The following CDC42BPA variants were observed in gnomAD, a reference collection of about 807,000 sequenced individuals.
CDC42BPA encodes serine/threonine-protein kinase MRCK alpha.
A neutral mutation model predicts 223.5 loss-of-function variants in CDC42BPA; 80 were observed. That is an observed-to-expected ratio of 0.36 (90% CI 0.30 to 0.43). CDC42BPA has a LOEUF of 0.43. CDC42BPA is among the 20% of genes least tolerant of loss of function. CDC42BPA has a pLI of 1.00. For synonymous variants in CDC42BPA, 694 were observed against 718.6 expected (o/e 0.97, Z 0.55); for missense variants, 1,743 against 2,099.9 (o/e 0.83, Z 3.32).
intron 1 of CDC42BPA, among the ~76,000 whole-genome samples, chr1:227,287,299 TG>T (rs1688969133): frequency 6.6e-6 from 1 of 152,172 alleles, no homozygotes; most frequent in South Asian, 2.1e-4. Context: ...TTTGCAAGGT[TG>T]GTCTATGGCT....
chr1:227,086,070 A>T (rs1404797402), intron 16 of CDC42BPA, among the ~76,000 whole-genome samples: 1 of 152,176 alleles, frequency 6.6e-6, no homozygotes, highest in South Asian at 2.1e-4. Flanking sequence ...ATCTTCTATC[A>T]ATGAAATAAC....
In CDC42BPA at chr1:227,044,500, A is replaced by G. The variant is rs185303355; in HGVS notation, c.3093+3427T>C. Among the ~76,000 whole-genome samples the G allele has an allele frequency of 4.7e-4, 72 of 152,350 alleles. No individual in the cohort carries two copies. In the East Asian group the frequency reaches 0.013, roughly 29 times the overall value. On this transcript the variant is annotated intron_variant, in intron 23 of 36. Transcript: ENST00000366766. ...AAAATGGTATTACAATGCTTATGAC[A>G]AAATCAGAAGTATTCCTCCTACTTC...
At chr1:227,247,872 A>C (rs1412953479) in intron 2 of CDC42BPA, among the ~76,000 whole-genome samples, 1 of 152,072 alleles carries the variant, frequency 6.6e-6, no homozygotes, top group Admixed American at 6.5e-5. Context: ...ACAGAGTGTG[A>C]CTCCATCTCA....
At chr1:227,213,800 C>T (rs1010845666) in intron 2 of CDC42BPA, among the ~76,000 whole-genome samples, 1 of 151,820 alleles carries the variant, frequency 6.6e-6, no homozygotes, top group South Asian at 2.1e-4. Context: ...TTAAAACTAA[C>T]GATTTTACAA....
chr1:227,311,051 G>T (rs77291093), intron 1 of CDC42BPA, among the ~76,000 whole-genome samples: 8,199 of 152,076 alleles, frequency 0.054, 246 homozygotes, highest in Non-Finnish European at 0.073. Context: ...TACAGTGTGG[G>T]TAATTCAAAA....
chr1:227,273,995 C>CAAAAAAAA (rs10599884), intron 1 of CDC42BPA, among the ~76,000 whole-genome samples: 799 of 57,002 alleles, frequency 0.014, 88 homozygotes, highest in Non-Finnish European at 0.021. Context: ...TCGTATACAC[C>CAAAAAAAA]AAAAAAAAAA....
At chr1:227,311,572 T>G (rs902218785) in intron 1 of CDC42BPA, among the ~76,000 whole-genome samples, 1 of 152,102 alleles carries the variant, frequency 6.6e-6, no homozygotes, top group Admixed American at 6.5e-5. Context: ...AAAACGTATA[T>G]ACCTCTGACA....
intron 35 of CDC42BPA, among the ~76,000 whole-genome samples, chr1:227,002,733 G>A (rs555756632): frequency 1.6e-4 from 25 of 152,160 alleles, no homozygotes; most frequent in Admixed American, 4.6e-4. Flanking sequence ...TGGCAAAAAC[G>A]GGAAGCCTCC....
chr1:227,132,366 C>T (rs1383283606), intron 10 of CDC42BPA, among the ~76,000 whole-genome samples: 11 of 151,988 alleles, frequency 7.2e-5, no homozygotes, highest in African/African-American at 2.7e-4. Flanking sequence ...CTCCTAACCG[C>T]GAGTGATCCG....
intron 5 of CDC42BPA, among the ~76,000 whole-genome samples, chr1:227,181,334 T>C (rs1357643985): frequency 6.6e-6 from 1 of 152,226 alleles, no homozygotes; most frequent in African/African-American, 2.4e-5. Flanking sequence ...GATCTTCATA[T>C]TGCATTTTTC....
chr1:227,203,573 A>T (rs527565657), intron 3 of CDC42BPA, among the ~76,000 whole-genome samples: 11 of 152,302 alleles, frequency 7.2e-5, no homozygotes, highest in African/African-American at 2.6e-4. Flanking sequence ...AAAAAAAACT[A>T]AACAATATCT....
intron 32 of CDC42BPA, among the ~76,000 whole-genome samples, chr1:227,021,193 C>G (rs1202352894): frequency 6.6e-6 from 1 of 152,136 alleles, no homozygotes; most frequent in Non-Finnish European, 1.5e-5. Flanking sequence ...AAATGTGAAA[C>G]AGAGACATGA....
chr1:227,196,485 G>A (rs1476606231), intron 4 of CDC42BPA, among the ~76,000 whole-genome samples: 6 of 151,378 alleles, frequency 4.0e-5, no homozygotes, highest in East Asian at 1.9e-4. Context: ...GACTACAGGC[G>A]CCCACCACCA....
intron 5 of CDC42BPA, among the ~76,000 whole-genome samples, chr1:227,185,489 G>C (rs1040676012): frequency 5.3e-5 from 8 of 152,122 alleles, no homozygotes; most frequent in Non-Finnish European, 1.2e-4. Flanking sequence ...AAAAGAGAGG[G>C]TGGGAGGGCC....
intron 1 of CDC42BPA, among the ~76,000 whole-genome samples, chr1:227,314,956 T>C (rs1444791067): frequency 3.3e-5 from 5 of 152,008 alleles, no homozygotes. Context: ...TAACTGATTT[T>C]CACATATTGT....
At position 227,306,072 on chromosome 1, in the gene CDC42BPA, C is replaced by T. The variant is rs1380128968; in HGVS notation, c.178+10933G>A. On this transcript the variant is annotated intron_variant, in intron 1 of 36. Coordinates refer to ENST00000366766, the MANE Select transcript of CDC42BPA (RefSeq NM_001394014.1). ...AGGAGTTCAAATGTCATTCTGAAAG[C>T]TTTCAGTAGTCACTGAAGTATATTA... 2.0e-5 allele frequency among the ~76,000 whole-genome samples: 3 copies of T among 150,062 alleles called. No homozygotes were observed. The East Asian group carries it at 5.8e-4, about 29-fold the overall frequency.
At chr1:227,162,838 A>C (rs1664164975) in intron 5 of CDC42BPA, among the ~76,000 whole-genome samples, 1 of 139,884 alleles carries the variant, frequency 7.1e-6, no homozygotes, top group Non-Finnish European at 1.6e-5. Context: ...ACTGTCTCCA[A>C]AAGAAAAAAA....
chr1:227,035,391 C>A, intron 25 of CDC42BPA, 80 bp downstream of exon 25: 1 of 1,048,296 alleles, frequency 9.5e-7, no homozygotes, highest in Admixed American at 2.4e-5. Context: ...AAGAACTATC[C>A]TCTTAAACTA....
intron 14 of CDC42BPA, 66 bp from the exon 15 acceptor site, chr1:227,101,305 T>C (rs1282254527): frequency 4.0e-6 from 4 of 1,006,664 alleles, no homozygotes; most frequent in Non-Finnish European, 5.6e-6. Context: ...ATAACTTCTT[T>C]CTGTAATATA....
Sources: allele counts gnomAD v4.1 joint callset (sites outside exome capture counted in the v4.1 genomes callset), GRCh38; gene constraint gnomAD v4.1.1; transcripts MANE v1.5; gene names NCBI Gene and HGNC (gene_info 2026-07-23, HGNC 2026-07-21).